PADI2: variants seen among roughly 807,000 people sequenced by gnomAD.
The protein encoded by PADI2 is peptidyl arginine deiminase 2.
Under a neutral mutation model 81.1 loss-of-function variants are expected in PADI2, and 70 were observed. That is an observed-to-expected ratio of 0.86 (90% confidence interval 0.71 to 1.05). The LOEUF (loss-of-function observed/expected upper bound fraction) is 1.05, where lower values mean the gene tolerates loss of function less well. PADI2 is among the 50% of genes least tolerant of loss of function. The pLI, the probability that PADI2 is intolerant of heterozygous loss-of-function variation, is 0.00. For synonymous variants in PADI2, 338 were observed against 358.0 expected (o/e 0.94, Z 0.63); for missense variants, 853 against 889.9 (o/e 0.96, Z 0.53).
At chr1:17,097,044 T>C (rs113262273) in intron 3 of PADI2, among the ~76,000 whole-genome samples, 57 of 152,288 alleles carry the variant, frequency 3.7e-4, no homozygotes, top group African/African-American at 1.3e-3. Context: ...TTGCCTTGAG[T>C]TGGAGACGGA....
chr1:17,108,558 C>T (rs1322791126), intron 1 of PADI2, among the ~76,000 whole-genome samples: 1 of 152,044 alleles, frequency 6.6e-6, no homozygotes, highest in East Asian at 2.0e-4. Flanking sequence ...TTCTTCAGAG[C>T]CTAGCACAGG....
intron 6 of PADI2, among the ~76,000 whole-genome samples, 178 bp downstream of exon 6, chr1:17,092,230 C>T (rs1316750012): frequency 2.0e-5 from 3 of 152,002 alleles, no homozygotes; most frequent in East Asian, 1.9e-4. Context: ...AGAGGAGGAG[C>T]GATGTGTCCC....
rs887615248 is a variant in PADI2, at chr1:17,113,435, T to C, written c.92+5845A>G. On this transcript the variant is annotated intron_variant, in intron 1 of 15. Transcript: ENST00000375486. ...TGATTTCATTTTACAGATGAGCACATTGAGGCCCCTAGAGGGCAAGCACCC... is the reference window on the plus strand; with the variant it reads ...TGATTTCATTTTACAGATGAGCACACTGAGGCCCCTAGAGGGCAAGCACCC... 7.2e-5 allele frequency among the ~76,000 whole-genome samples: 11 copies of C among 152,168 alleles called. 1 individual carries two copies. The highest frequency in any genetic ancestry group is 2.7e-4 in the African/African-American group (11 of 41,446).
In PADI2 at chr1:17,119,077, A is replaced by C. The variant is rs1446612201; in HGVS notation, c.92+203T>G. Among the ~76,000 whole-genome samples, 1 of 151,178 alleles carries C rather than the reference A, an allele frequency of 6.6e-6. No individual in the cohort carries two copies. The highest frequency in any genetic ancestry group is 1.5e-5 in the Non-Finnish European group (1 of 67,816). ...GAGGCTGTGTTAGGGGGTCTGGGAGAGTCTCAGGGTTTCTGGAAGGTGGAC... is the reference window on the plus strand; with the variant it reads ...GAGGCTGTGTTAGGGGGTCTGGGAGCGTCTCAGGGTTTCTGGAAGGTGGAC... On this transcript the variant is annotated intron_variant, in intron 1 of 15. Transcript: ENST00000375486. The surrounding 1 kb of genome is among the most constrained non-coding windows in gnomAD (Gnocchi z 4.8).
At chr1:17,098,219 C>G (rs1931015469) in intron 3 of PADI2, among the ~76,000 whole-genome samples, 1 of 152,166 alleles carries the variant, frequency 6.6e-6, no homozygotes, top group African/African-American at 2.4e-5. Flanking sequence ...AAAGCCCAGC[C>G]CAAAGTCAAA....
At chr1:17,075,352 A>AC (rs2078294427) in intron 12 of PADI2, 1 of 351,236 alleles carries the variant, frequency 2.8e-6, no homozygotes, top group Non-Finnish European at 5.2e-6. Context: ...TTATGTGACT[A>AC]TTGAACACTT....
At position 17,079,244 on chromosome 1, in the gene PADI2, C is replaced by T. The variant is rs376243932; in HGVS notation, c.1310+20G>A. 1.9e-5 allele frequency: 31 copies of T among 1,609,360 alleles called. No homozygotes were observed. The highest frequency in any genetic ancestry group is 2.5e-5 in the Non-Finnish European group (30 of 1,176,728). On this transcript the variant is annotated intron_variant, in intron 11 of 15. Transcript: ENST00000375486. ...CTTCCCCACTCCCACAGCCCCTAGCCCCAGCCTGGCTTCTCTTACAGAGGA... is the reference window on the plus strand; with the variant it reads ...CTTCCCCACTCCCACAGCCCCTAGCTCCAGCCTGGCTTCTCTTACAGAGGA...
chr1:17,108,497 C>T (rs144861466), intron 1 of PADI2, among the ~76,000 whole-genome samples: 12 of 152,172 alleles, frequency 7.9e-5, no homozygotes, highest in African/African-American at 2.6e-4. Context: ...TACCTGCCCT[C>T]CTTTGGGTTA....
intron 3 of PADI2, among the ~76,000 whole-genome samples, chr1:17,102,219 C>T (rs1296067715): frequency 6.6e-6 from 1 of 152,196 alleles, no homozygotes; most frequent in Non-Finnish European, 1.5e-5. Flanking sequence ...CTTTAACATT[C>T]TATGATTAAA....
intron 15 of PADI2, among the ~76,000 whole-genome samples, chr1:17,069,671 G>A (rs1027240052): frequency 2.0e-5 from 3 of 152,114 alleles, no homozygotes; most frequent in South Asian, 2.1e-4. Flanking sequence ...CTGTGTGCAT[G>A]TGTGTGTATA....
chr1:17,089,790 T>A (rs1230872640), intron 6 of PADI2, among the ~76,000 whole-genome samples: 1 of 152,098 alleles, frequency 6.6e-6, no homozygotes, highest in Non-Finnish European at 1.5e-5. Flanking sequence ...ACAATGCCGC[T>A]CTATTGAGTG....
At position 17,071,390 on chromosome 1, in the gene PADI2, C is replaced by T; in HGVS notation, c.1635+16G>A. Reference sequence around the variant, plus strand: ...CCCAGGGGCCCTCTGGCCCTGCACCCCTGCCCTGCCCTCACCTGGAAGTAC... The same window carrying T: ...CCCAGGGGCCCTCTGGCCCTGCACCTCTGCCCTGCCCTCACCTGGAAGTAC... On this transcript the variant is annotated intron_variant, in intron 14 of 15. Transcript: ENST00000375486. 6.2e-7 allele frequency: 1 copy of T among 1,600,364 alleles called. No individual in the cohort carries two copies.
rs754899971 is a variant in PADI2 at position 17,075,708 on chromosome 1, T to C, written c.1426A>G (p.Met476Val). Reference protein sequence around the residue: ...WLTVGHVDEFMSFVPIPGTKK... With the variant: ...WLTVGHVDEFVSFVPIPGTKK... ...GTGCCGGGGATGGGGACAAAGGACA[T>C]GAACTCATCCACGTGGCCCACAGTC... Residue 476 changes from methionine to valine, a missense_variant, in exon 12 of 16, where the codon ATG becomes GTG. Physicochemically the swap from Met to Val is conservative, Grantham distance 21. Transcript: ENST00000375486. 1 of 1,613,820 alleles carries C rather than the reference T, an allele frequency of 6.2e-7. No homozygotes were observed. Among genetic ancestry groups the C allele is most frequent in the Non-Finnish European group, 8.5e-7 (1 of 1,179,954 alleles).
intron 11 of PADI2, among the ~76,000 whole-genome samples, chr1:17,076,607 C>T (rs555078300): frequency 1.1e-3 from 165 of 151,396 alleles, no homozygotes; most frequent in African/African-American, 3.6e-3. Flanking sequence ...TATTTTGAGA[C>T]AGAGTCTAAC....
intron 11 of PADI2, among the ~76,000 whole-genome samples, chr1:17,076,221 T>C (rs2078301365): frequency 6.6e-6 from 1 of 152,100 alleles, no homozygotes. Flanking sequence ...TTTAATCTTT[T>C]TTTTTTCCCC....
chr1:17,103,470 G>C (rs1413024064), intron 2 of PADI2, among the ~76,000 whole-genome samples: 1 of 152,156 alleles, frequency 6.6e-6, no homozygotes, highest in African/African-American at 2.4e-5. Context: ...AACCCAGAAA[G>C]GAGACAGTTC....
chr1:17,073,210 G>A (rs1321008944), intron 13 of PADI2, among the ~76,000 whole-genome samples: 2 of 152,174 alleles, frequency 1.3e-5, no homozygotes, highest in Non-Finnish European at 2.9e-5. Context: ...GAGGTCAGGA[G>A]ATTGAGACCA....
intron 3 of PADI2, among the ~76,000 whole-genome samples, chr1:17,098,193 C>A (rs541795337): frequency 1.3e-5 from 2 of 152,292 alleles, no homozygotes; most frequent in East Asian, 3.9e-4. Flanking sequence ...GCTGACCTCC[C>A]TGCAAGCTGT....
chr1:17,070,608 A>G (rs2078258777), intron 14 of PADI2, among the ~76,000 whole-genome samples: 1 of 152,224 alleles, frequency 6.6e-6, no homozygotes, highest in South Asian at 2.1e-4. Flanking sequence ...TAAGCGCATT[A>G]CATAGATTGC....
Sources: allele counts gnomAD v4.1 joint callset (sites outside exome capture counted in the v4.1 genomes callset), GRCh38; gene constraint gnomAD v4.1.1; non-coding constraint Gnocchi (gnomAD v3.1); transcripts MANE v1.5; gene names NCBI Gene and HGNC (gene_info 2026-07-23, HGNC 2026-07-21).